The following SNX18 variants were observed in gnomAD, a reference collection of about 807,000 sequenced individuals.
SNX18 encodes the protein sorting nexin 18, also known as sorting nexin-18.
Under a neutral mutation model 48.7 loss-of-function variants are expected in SNX18, and 35 were observed. The ratio of observed to expected loss-of-function variants is 0.72; its 90% CI spans 0.55 to 0.95. The LOEUF (loss-of-function observed/expected upper bound fraction) is 0.95. Among genes scored for constraint, SNX18 ranks in the 40% least tolerant of loss-of-function variants. SNX18 has a pLI of 0.00. For synonymous variants in SNX18, 492 were observed against 384.7 expected (o/e 1.28, Z -3.26); for missense variants, 824 against 871.0 (o/e 0.95, Z 0.68).
At position 54,525,147 on chromosome 5, in the gene SNX18, GGGGGC is replaced by G. The variant is rs1561115277; in HGVS notation, c.1621+5575_1621+5579del. On this transcript the variant is annotated intron_variant, in intron 1 of 1. Coordinates refer to ENST00000381410, the MANE Select transcript of SNX18 (RefSeq NM_001102575.2). ...AACGCTCACTTATCTTTGGCCAAGT[GGGGGC>G]ACTTCCTCACGAGGTCAGCATGAGA... Among the ~76,000 whole-genome samples the G allele has an allele frequency of 2.6e-5, 4 of 152,252 alleles. No homozygotes were observed. The East Asian group carries it at 7.7e-4, about 29-fold the overall frequency.
downstream of SNX18, among the ~76,000 whole-genome samples, chr5:54,551,407 A>G (rs1021963527): frequency 2.6e-5 from 4 of 152,202 alleles, no homozygotes; most frequent in African/African-American, 9.7e-5. Flanking sequence ...GAAGCCTTCC[A>G]TGAAACTCTA....
At chr5:54,597,051 T>G in the SNX18 span, among the ~76,000 whole-genome samples, 1 of 152,038 alleles carries the variant, frequency 6.6e-6, no homozygotes, top group Non-Finnish European at 1.5e-5. Context: ...AATAAAAGGA[T>G]GGAAGAAAAT....
chr5:54,623,717 G>T, the SNX18 span, among the ~76,000 whole-genome samples: 3 of 152,132 alleles, frequency 2.0e-5, no homozygotes, highest in African/African-American at 7.2e-5. Flanking sequence ...AAATGCATGG[G>T]GTGCATGGGT....
At chr5:54,561,548 C>G in the SNX18 span, among the ~76,000 whole-genome samples, 2 of 150,180 alleles carry the variant, frequency 1.3e-5, no homozygotes, top group African/African-American at 5.0e-5. Context: ...CCATGTTAGC[C>G]AGGCTGGTCT....
At chr5:54,589,072 G>A in the SNX18 span, among the ~76,000 whole-genome samples, 1 of 152,130 alleles carries the variant, frequency 6.6e-6, no homozygotes, top group African/African-American at 2.4e-5. Context: ...ATAGAAGGTT[G>A]AAACTATTAA....
the SNX18 span, among the ~76,000 whole-genome samples, chr5:54,618,075 G>C: frequency 6.6e-6 from 1 of 152,128 alleles, no homozygotes; most frequent in African/African-American, 2.4e-5. Flanking sequence ...GAGGGACCCA[G>C]TAGGAGGTAA....
chr5:54,587,651 A>G, the SNX18 span, among the ~76,000 whole-genome samples: 7 of 152,316 alleles, frequency 4.6e-5, no homozygotes, highest in East Asian at 9.7e-4. Flanking sequence ...CAATGCTCTC[A>G]GAGCCTGCTG....
At chr5:54,640,705 T>A in the SNX18 span, among the ~76,000 whole-genome samples, 2 of 152,142 alleles carry the variant, frequency 1.3e-5, no homozygotes, top group African/African-American at 4.8e-5. Flanking sequence ...CCTAGGGCTC[T>A]TCAATAGAAG....
chr5:54,640,521 C>G, the SNX18 span, among the ~76,000 whole-genome samples: 1 of 152,188 alleles, frequency 6.6e-6, no homozygotes, highest in Non-Finnish European at 1.5e-5. Flanking sequence ...ACTGTGCCCG[C>G]CAGAGTAGGG....
At chr5:54,616,377 A>T in the SNX18 span, among the ~76,000 whole-genome samples, 1 of 132,314 alleles carries the variant, frequency 7.6e-6, no homozygotes, top group Non-Finnish European at 1.6e-5. Context: ...ATTTAATAAC[A>T]ACTTACTTCT....
the SNX18 span, among the ~76,000 whole-genome samples, chr5:54,605,985 AT>A: frequency 5.9e-5 from 9 of 152,318 alleles, no homozygotes; most frequent in Admixed American, 4.6e-4. Flanking sequence ...CTTTAAAAAA[AT>A]GTCACCACTT....
chr5:54,539,443 T>C (rs1370175511), intron 1 of SNX18, among the ~76,000 whole-genome samples: 1 of 152,240 alleles, frequency 6.6e-6, no homozygotes, highest in Non-Finnish European at 1.5e-5. Context: ...TGTTCAGATA[T>C]TCTATTCCCT....
At chr5:54,564,134 C>T in the SNX18 span, among the ~76,000 whole-genome samples, 3 of 152,084 alleles carry the variant, frequency 2.0e-5, no homozygotes, top group South Asian at 6.2e-4. Flanking sequence ...GGCGTGATGG[C>T]GGGCGCCTGT....
the SNX18 span, among the ~76,000 whole-genome samples, chr5:54,641,099 T>A: frequency 6.6e-6 from 1 of 151,872 alleles, no homozygotes; most frequent in African/African-American, 2.4e-5. Flanking sequence ...TATACAGAAG[T>A]TCTGAGAGCT....
At chr5:54,527,705 G>C (rs916369742) in intron 1 of SNX18, among the ~76,000 whole-genome samples, 1 of 152,190 alleles carries the variant, frequency 6.6e-6, no homozygotes, top group Non-Finnish European at 1.5e-5. Flanking sequence ...GCGGTGCTCA[G>C]TTATTAGTGT....
rs961904563 is a variant in SNX18, at chr5:54,518,389, C to G, written c.437C>G (p.Ala146Gly). ...SPQQLYGGYQ[A>G]SQGSDDDWDD... ...CAGCAGCTCTACGGCGGCTACCAGG[C>G]CAGCCAAGGCAGCGATGATGACTGG... is the stretch of plus-strand genomic sequence containing the variant. Residue 146 changes from alanine to glycine, a missense_variant, in exon 1 of 2, where the codon GCC becomes GGC. Ala to Gly is a moderately conservative substitution (Grantham distance 60). Around this residue, in one of 3 missense-constraint regions of SNX18, gnomAD observed 377 missense variants for 350.6 expected, o/e 1.08. Transcript: ENST00000381410. 1.3e-6 allele frequency: 2 copies of G among 1,577,670 alleles called. No individual in the cohort carries two copies. Among genetic ancestry groups the G allele is most frequent in the African/African-American group, 2.7e-5 (2 of 73,562 alleles).
the SNX18 span, among the ~76,000 whole-genome samples, chr5:54,634,073 C>T: frequency 2.6e-5 from 4 of 152,256 alleles, no homozygotes; most frequent in African/African-American, 9.6e-5. Context: ...GAGTGGTTTT[C>T]AATACTTAAT....
chr5:54,636,183 G>A, the SNX18 span, among the ~76,000 whole-genome samples: 1 of 152,182 alleles, frequency 6.6e-6, no homozygotes, highest in South Asian at 2.1e-4. Flanking sequence ...TTTCCATGAT[G>A]CTCAGTCAGG....
At chr5:54,596,307 AGCACTATAGCTCTCCC>A in the SNX18 span, among the ~76,000 whole-genome samples, 1,353 of 152,320 alleles carry the variant, frequency 8.9e-3, 11 homozygotes, top group African/African-American at 0.03. Flanking sequence ...TCTGAGGGCC[AGCACTATAGCTCTCCC>A]CACCATCTCT....
Sources: gnomAD v4.1 joint callset for allele counts (sites outside exome capture counted in the v4.1 genomes callset) on GRCh38, gnomAD v4.1.1 for gene constraint, gnomAD v4.1.1 regional missense constraint, MANE v1.5 for transcripts, NCBI Gene and HGNC (gene_info 2026-07-23, HGNC 2026-07-21) for gene names.